PUM1: variants seen among roughly 807,000 people sequenced by gnomAD.
The protein encoded by PUM1 is pumilio homolog 1.
PUM1 carries 13 observed loss-of-function variants against 131.8 expected under a neutral mutation model. The observed-to-expected ratio is 0.10, with a 90% CI of 0.06 to 0.16. PUM1 has a LOEUF of 0.16. PUM1 is among the 10% of genes least tolerant of loss of function. The pLI, the probability that PUM1 is intolerant of heterozygous loss-of-function variation, is 1.00. For missense variants in PUM1, 961 were observed against 1,512.4 expected (o/e 0.64, Z 6.05); for synonymous variants, 509 against 556.5 (o/e 0.91, Z 1.20).
At chr1:30,965,823 G>A (rs1573072) in intron 13 of PUM1, among the ~76,000 whole-genome samples, 159 bp downstream of exon 13, 1 of 152,292 alleles carries the variant, frequency 6.6e-6, no homozygotes, top group East Asian at 1.9e-4. Flanking sequence ...TGTATAACTT[G>A]ATTTCAATAG....
chr1:30,948,380 T>C (rs1384238036), intron 17 of PUM1, among the ~76,000 whole-genome samples: 1 of 151,618 alleles, frequency 6.6e-6, no homozygotes, highest in Non-Finnish European at 1.5e-5. Context: ...AGTAAAATAA[T>C]AAAGGGTAGG....
intron 3 of PUM1, among the ~76,000 whole-genome samples, chr1:31,018,087 A>G (rs1642887752): frequency 6.6e-6 from 1 of 152,210 alleles, no homozygotes; most frequent in Non-Finnish European, 1.5e-5. Context: ...GCGGTGGCTC[A>G]TGCCTGAATT....
intron 2 of PUM1, among the ~76,000 whole-genome samples, chr1:31,058,829 G>A (rs1487777946): frequency 1.3e-5 from 2 of 151,672 alleles, no homozygotes; most frequent in Non-Finnish European, 2.9e-5. Context: ...AATCAGCCAG[G>A]CGTGGTGGTG....
chr1:31,041,878 AAT>A (rs1224960333), intron 2 of PUM1, among the ~76,000 whole-genome samples: 5 of 152,174 alleles, frequency 3.3e-5, no homozygotes, highest in Non-Finnish European at 5.9e-5. Context: ...TTTAAAAAAA[AAT>A]GAGAAAGATA....
chr1:30,952,226 A>C lies in PUM1; in HGVS notation c.2721+8T>G. 1 of 1,613,470 alleles carries C rather than the reference A, an allele frequency of 6.2e-7. No homozygotes were observed. The highest frequency in any genetic ancestry group is 8.5e-7 in the Non-Finnish European group (1 of 1,179,414). On this transcript the variant is annotated splice_region_variant and intron_variant, in intron 16 of 21. Transcript: ENST00000426105. ...TTAAGTCAAAGGATAGAAAGAACAAAGGCTTACTTCAAAGAACTTCTGAAT... is the reference window on the plus strand; with the variant it reads ...TTAAGTCAAAGGATAGAAAGAACAACGGCTTACTTCAAAGAACTTCTGAAT...
chr1:30,954,159 G>C lies in PUM1; in HGVS notation c.2324-178C>G, dbSNP rs115219723. Among the ~76,000 whole-genome samples the C allele has an allele frequency of 6.1e-3, 923 of 152,268 alleles. 9 individuals carry two copies. Among genetic ancestry groups the C allele is most frequent in the African/African-American group, 0.021 (883 of 41,542 alleles). On this transcript the variant is annotated intron_variant, in intron 14 of 21. Coordinates refer to ENST00000426105, the MANE Select transcript of PUM1 (RefSeq NM_001020658.2). ...TTTCGTGGGTCAACTCAACAACCTGGAAGGAAACTTTTGCACAAAGATTGA... is the reference window on the plus strand; with the variant it reads ...TTTCGTGGGTCAACTCAACAACCTGCAAGGAAACTTTTGCACAAAGATTGA...
At chr1:31,016,683 CATCACA>C (rs1159378448) in intron 3 of PUM1, among the ~76,000 whole-genome samples, 4 of 152,138 alleles carry the variant, frequency 2.6e-5, no homozygotes, top group Non-Finnish European at 4.4e-5. Context: ...TACTAGGTAT[CATCACA>C]ATCTGGCATG....
chr1:31,038,984 A>ATATATTTTTTTTTTTT, intron 2 of PUM1, among the ~76,000 whole-genome samples: 4 of 49,416 alleles, frequency 8.1e-5, no homozygotes, highest in East Asian at 6.7e-4. Flanking sequence ...ATATATATAT[A>ATATATTTTTTTTTTTT]TTTTTTTTTT....
At chr1:31,001,683 T>TA (rs1557579851) in intron 5 of PUM1, among the ~76,000 whole-genome samples, 1 of 152,180 alleles carries the variant, frequency 6.6e-6, no homozygotes, top group Non-Finnish European at 1.5e-5. Context: ...GTTGTCTTTT[T>TA]AAAAAAATAC....
At chr1:30,933,528 C>G (rs1247305706) in intron 21 of PUM1, among the ~76,000 whole-genome samples, 186 bp from the exon 22 acceptor site, 1 of 151,810 alleles carries the variant, frequency 6.6e-6, no homozygotes, top group Non-Finnish European at 1.5e-5. Context: ...AGTCCCCTGA[C>G]TTCTAGCACT....
rs146179947 is a variant in PUM1 at position 30,950,162 on chromosome 1, C to A, written c.2821G>T (p.Ala941Ser). ...QMYGCRVIQKALEFIPSDQQV... is the reference protein window; with the variant it reads ...QMYGCRVIQKSLEFIPSDQQV... ...TGGTCTGAAGGAATAAACTCAAGAG[C>A]TTTCTGGATAACACGGCAGCCATAC... Residue 941 changes from alanine to serine, a missense_variant, in exon 17 of 22, where the codon GCT becomes TCT. Ala to Ser is a moderately conservative substitution (Grantham distance 99). Around this residue, in one of 4 missense-constraint regions of PUM1, gnomAD observed 178 missense variants for 327.5 expected, o/e 0.54. Coordinates refer to ENST00000426105, the MANE Select transcript of PUM1 (RefSeq NM_001020658.2). 149 of 1,613,666 alleles carry A rather than the reference C, an allele frequency of 9.2e-5. No homozygotes were observed. Among genetic ancestry groups the A allele is most frequent in the Non-Finnish European group, 1.2e-4 (143 of 1,179,852 alleles).
chr1:31,033,658 G>A (rs1016900343), intron 2 of PUM1, among the ~76,000 whole-genome samples: 2 of 151,518 alleles, frequency 1.3e-5, no homozygotes, highest in Non-Finnish European at 2.9e-5. Context: ...TAGCCACCAC[G>A]CCCAGCCCAT....
In PUM1 at chr1:31,011,832, T is replaced by C. The variant is rs564001418; in HGVS notation, c.433-4730A>G. 3.3e-5 allele frequency among the ~76,000 whole-genome samples: 5 copies of C among 152,270 alleles called. No homozygotes were observed. In the South Asian group the frequency reaches 6.2e-4, roughly 19 times the overall value. ...AAAGTAACAGATCACAAGAGAGATG[T>C]AGAGTTTGTTTTAAAGAATAACTTA... On this transcript the variant is annotated intron_variant, in intron 3 of 21. Coordinates refer to ENST00000426105, the MANE Select transcript of PUM1 (RefSeq NM_001020658.2).
intron 16 of PUM1, 86 bp downstream of exon 16, chr1:30,952,148 G>T: frequency 7.6e-7 from 1 of 1,323,798 alleles, no homozygotes; most frequent in Non-Finnish European, 1.1e-6. Flanking sequence ...GACTGGAATG[G>T]GACTGCTATG....
chr1:31,065,493 C>A, intron 1 of PUM1, 123 bp downstream of exon 1: 1 of 1,206,408 alleles, frequency 8.3e-7, no homozygotes, highest in Non-Finnish European at 1.1e-6. Flanking sequence ...CAGCCAGGGC[C>A]CCGGCGGCTT....
intron 6 of PUM1, among the ~76,000 whole-genome samples, 188 bp from the exon 7 acceptor site, chr1:30,992,848 C>T (rs1167702922): frequency 6.6e-6 from 1 of 152,142 alleles, no homozygotes; most frequent in Non-Finnish European, 1.5e-5. Context: ...GCTTCTATTG[C>T]CGGCAATTCC....
chr1:31,029,227 A>C (rs1161459251), intron 2 of PUM1, among the ~76,000 whole-genome samples: 1 of 152,216 alleles, frequency 6.6e-6, no homozygotes, highest in Non-Finnish European at 1.5e-5. Context: ...ATGTGACCTA[A>C]TGAGTCAAAA....
chr1:30,965,431 T>C (rs1052422732), intron 13 of PUM1, among the ~76,000 whole-genome samples: 1 of 152,214 alleles, frequency 6.6e-6, no homozygotes, highest in African/African-American at 2.4e-5. Flanking sequence ...TTTTGTTTGT[T>C]TGTTTTTTAT....
At chr1:31,002,347 T>C (rs1642247101) in intron 5 of PUM1, among the ~76,000 whole-genome samples, 1 of 152,156 alleles carries the variant, frequency 6.6e-6, no homozygotes, top group Admixed American at 6.5e-5. Flanking sequence ...CAGAAAGACC[T>C]TCCCAATATA....
Sources: allele counts gnomAD v4.1 joint callset (sites outside exome capture counted in the v4.1 genomes callset), GRCh38; gene constraint gnomAD v4.1.1; regional missense constraint gnomAD v4.1.1; transcripts MANE v1.5; gene names NCBI Gene and HGNC (gene_info 2026-07-23, HGNC 2026-07-21).